The following BCR variants were observed in gnomAD, a reference collection of about 807,000 sequenced individuals.
BCR encodes the protein BCR activator of RhoGEF and GTPase, also known as breakpoint cluster region protein.
In BCR, 58 loss-of-function variants were observed where a neutral mutation model predicts 138.6. That is an observed-to-expected ratio of 0.42 (90% CI 0.34 to 0.52). The LOEUF (loss-of-function observed/expected upper bound fraction) is 0.52, where lower values mean the gene tolerates loss of function less well. Among genes scored for constraint, BCR ranks in the 20% least tolerant of loss-of-function variants. The probability of loss-of-function intolerance (pLI) is 0.06; values close to 1 mark genes in which losing one functional copy is unlikely to be tolerated. For missense variants in BCR, 1,599 were observed against 1,727.2 expected (o/e 0.93, Z 1.32); for synonymous variants, 786 against 730.1 (o/e 1.08, Z -1.23).
intron 2 of BCR, 36 bp from the exon 3 acceptor site, chr22:23,260,914 C>A: frequency 6.3e-7 from 1 of 1,590,008 alleles, no homozygotes; most frequent in Non-Finnish European, 8.6e-7. Context: ...CCCCCTACCA[C>A]CCTTCCAGGC....
At chr22:23,223,487 T>A (rs2072852699) in intron 1 of BCR, among the ~76,000 whole-genome samples, 1 of 152,170 alleles carries the variant, frequency 6.6e-6, no homozygotes, top group Non-Finnish European at 1.5e-5. Context: ...ATGGTGCCTC[T>A]CAAGATGAAA....
At chr22:23,240,816 C>A (rs2073081487) in intron 1 of BCR, among the ~76,000 whole-genome samples, 1 of 152,122 alleles carries the variant, frequency 6.6e-6, no homozygotes, top group South Asian at 2.1e-4. Context: ...ACTGAAACTC[C>A]ACTAAACGCT....
intron 1 of BCR, among the ~76,000 whole-genome samples, chr22:23,209,028 T>A (rs1401000694): frequency 6.6e-6 from 1 of 152,144 alleles, no homozygotes; most frequent in Non-Finnish European, 1.5e-5. Context: ...TAACGTCATG[T>A]CCTCAAGGTT....
At chr22:23,216,127 G>A (rs1032938360) in intron 1 of BCR, among the ~76,000 whole-genome samples, 1 of 152,176 alleles carries the variant, frequency 6.6e-6, no homozygotes, top group Non-Finnish European at 1.5e-5. Context: ...TCCAGTCTGA[G>A]TGGCTCTGAT....
At chr22:23,192,395 C>T (rs2072427089) in intron 1 of BCR, among the ~76,000 whole-genome samples, 2 of 152,210 alleles carry the variant, frequency 1.3e-5, no homozygotes, top group Non-Finnish European at 1.5e-5. Flanking sequence ...ATTTGCTCAG[C>T]AAACCGGTTT....
chr22:23,226,572 T>C (rs1198117603), intron 1 of BCR, among the ~76,000 whole-genome samples: 1 of 152,246 alleles, frequency 6.6e-6, no homozygotes, highest in Non-Finnish European at 1.5e-5. Context: ...CCCTCACATT[T>C]AGGCCAGGGG....
chr22:23,275,191 G>T (rs1286459326), intron 8 of BCR, among the ~76,000 whole-genome samples: 4 of 152,192 alleles, frequency 2.6e-5, no homozygotes, highest in Admixed American at 2.6e-4. Context: ...TTCTCCTGGT[G>T]GGCCTGGCCC....
intron 1 of BCR, among the ~76,000 whole-genome samples, chr22:23,204,961 A>G (rs2072595085): frequency 6.6e-6 from 1 of 152,192 alleles, no homozygotes; most frequent in Admixed American, 6.5e-5. Context: ...GCCAGCACTG[A>G]GATGAGCAGG....
chr22:23,197,321 C>T (rs2072496430), intron 1 of BCR, among the ~76,000 whole-genome samples: 2 of 152,192 alleles, frequency 1.3e-5, no homozygotes, highest in African/African-American at 4.8e-5. Flanking sequence ...ATGATGTTTG[C>T]ATGAAGATGA....
chr22:23,181,846 C>T lies in BCR; in HGVS notation c.886C>T (p.Leu296Phe). 1.9e-6 allele frequency: 3 copies of T among 1,612,466 alleles called. No individual in the cohort carries two copies. The highest frequency in any genetic ancestry group is 2.5e-6 in the Non-Finnish European group (3 of 1,179,782). ...GMMEGEGKGP[L>F]LRSQSTSEQE... ...GATGGAAGGGGAGGGCAAGGGCCCG[C>T]TCCTGCGCAGCCAGAGCACCTCTGA... is the stretch of plus-strand genomic sequence containing the variant. Residue 296 changes from leucine (L) to phenylalanine (F), a missense_variant, in exon 1 of 23, where the codon CTC (leucine) becomes TTC (phenylalanine). Physicochemically the swap from Leu to Phe is conservative, Grantham distance 22. Coordinates refer to ENST00000305877, the MANE Select transcript of BCR (RefSeq NM_004327.4).
chr22:23,311,486 G>A (rs971462631), intron 18 of BCR, among the ~76,000 whole-genome samples: 4 of 151,940 alleles, frequency 2.6e-5, no homozygotes, highest in African/African-American at 4.8e-5. Flanking sequence ...GGTTCTGGCC[G>A]CTTGAAAGGT....
rs139728272 is a variant in BCR at position 23,191,863 on chromosome 22, G to A, written c.1279+9624G>A. ...GATACAGGTGGCCCGGCGATGAAAC[G>A]TTGGCTTTGGAGATTATCCCGCTGG... On this transcript the variant is annotated intron_variant, in intron 1 of 22. Transcript: ENST00000305877. 4.8e-3 allele frequency among the ~76,000 whole-genome samples: 728 copies of A among 152,322 alleles called. 7 individuals carry two copies. Among genetic ancestry groups the A allele is most frequent in the Non-Finnish European group, 7.9e-3 (539 of 68,024 alleles).
At chr22:23,258,963 T>A (rs569144934) in intron 2 of BCR, among the ~76,000 whole-genome samples, 20 of 152,272 alleles carry the variant, frequency 1.3e-4, no homozygotes, top group African/African-American at 4.1e-4. Context: ...CCACACACTT[T>A]CCTCTGACTG....
intron 4 of BCR, chr22:23,263,194 C>CA (rs2073390841): frequency 1.1e-6 from 1 of 901,498 alleles, no homozygotes; most frequent in Admixed American, 2.9e-5. Flanking sequence ...GCCGCCTGCC[C>CA]GGCTGCGGGG....
rs774965943 is a variant in BCR, at chr22:23,289,540, T to C, written c.2626T>C (p.Ser876Pro). The change falls in exon 13 of 23, where the codon TCC (serine) becomes CCC (proline). Residue 876 changes from serine to proline, a missense_variant. Ser to Pro is a moderately conservative substitution (Grantham distance 74). This residue lies in a region of BCR where 590 missense variants were observed against 762.4 expected (regional missense o/e 0.77). Coordinates refer to ENST00000305877, the MANE Select transcript of BCR (RefSeq NM_004327.4). ...AGGTTTCAGAAGCTTCTCCCTGACA[T>C]CCGTGGAGCTGCAGATGCTGACCAA... ...KKCFRSFSLTSVELQMLTNSC... is the reference protein window; with the variant it reads ...KKCFRSFSLTPVELQMLTNSC... 11 of 1,614,176 alleles carry C rather than the reference T, an allele frequency of 6.8e-6. No homozygotes were observed. The highest frequency in any genetic ancestry group is 9.3e-6 in the Non-Finnish European group (11 of 1,180,004).
chr22:23,264,377 G>T (rs1294664392), intron 4 of BCR: 5 of 872,384 alleles, frequency 5.7e-6, no homozygotes, highest in Non-Finnish European at 9.7e-6. Context: ...GGCCACCCCT[G>T]CCTGTGGGCC....
intron 16 of BCR, among the ~76,000 whole-genome samples, chr22:23,308,482 T>C (rs1331327991): frequency 1.3e-5 from 2 of 152,092 alleles, no homozygotes; most frequent in Non-Finnish European, 2.9e-5. Context: ...ATTTGTTGTA[T>C]TTTTAGTAGG....
chr22:23,297,451 C>G (rs2073859125), intron 16 of BCR, among the ~76,000 whole-genome samples: 1 of 152,120 alleles, frequency 6.6e-6, no homozygotes, highest in South Asian at 2.1e-4. Context: ...GGAGATGCTT[C>G]TCTAACCTGC....
chr22:23,297,502 C>T (rs928594518), intron 16 of BCR, among the ~76,000 whole-genome samples: 3 of 152,104 alleles, frequency 2.0e-5, no homozygotes, highest in Non-Finnish European at 4.4e-5. Flanking sequence ...GTAGAGGGAG[C>T]AGACTGCAAA....
Sources: gnomAD v4.1 joint callset for allele counts (sites outside exome capture counted in the v4.1 genomes callset) on GRCh38, gnomAD v4.1.1 for gene constraint, gnomAD v4.1.1 regional missense constraint, MANE v1.5 for transcripts, NCBI Gene and HGNC (gene_info 2026-07-23, HGNC 2026-07-21) for gene names.